SEC22A: variants seen among roughly 807,000 people sequenced by gnomAD.
SEC22A encodes the protein vesicle-trafficking protein SEC22a.
In SEC22A, 22 loss-of-function variants were observed where a neutral mutation model predicts 35.3. That is an observed-to-expected ratio of 0.62 (90% CI 0.45 to 0.89). SEC22A has a LOEUF of 0.89. SEC22A is among the 40% of genes least tolerant of loss of function. The probability of loss-of-function intolerance (pLI) is 0.00; values close to 1 mark genes in which losing one functional copy is unlikely to be tolerated. For synonymous variants in SEC22A, 119 were observed against 129.5 expected (o/e 0.92, Z 0.55); for missense variants, 354 against 362.5 (o/e 0.98, Z 0.19).
At chr3:123,233,884 A>T (rs1576493051) in intron 4 of SEC22A, among the ~76,000 whole-genome samples, 1 of 152,242 alleles carries the variant, frequency 6.6e-6, no homozygotes, top group Non-Finnish European at 1.5e-5. Context: ...ATAAAAAGGC[A>T]TGTAGATTGC....
chr3:123,227,047 A>G (rs1264472001), intron 4 of SEC22A, among the ~76,000 whole-genome samples: 5 of 152,360 alleles, frequency 3.3e-5, no homozygotes, highest in Middle Eastern at 3.4e-3. Context: ...CGGAAGGTGT[A>G]AATACTTTAG....
At position 123,225,232 on chromosome 3, in the gene SEC22A, G is replaced by A. The variant is rs755180781; in HGVS notation, c.476G>A (p.Gly159Glu). The A allele has an allele frequency of 1.2e-6, 2 of 1,613,634 alleles. No homozygotes were observed. Among genetic ancestry groups the A allele is most frequent in the Admixed American group, 1.7e-5 (1 of 60,006 alleles). ...PPYQISMCEL[G>E]SANGVTSAFS... ...TATCAAATTTCCATGTGCGAACTGG[G>A]GTCAGCCAATGGAGTCACATCAGCA... Residue 159 changes from glycine (G) to glutamate (E), a missense_variant, in exon 4 of 7, where the codon GGG becomes GAG. Gly to Glu is a moderately conservative substitution (Grantham distance 98). Coordinates refer to ENST00000492595, the MANE Select transcript of SEC22A (RefSeq NM_012430.5).
At chr3:123,208,691 G>C (rs1277592366) in intron 1 of SEC22A, 1 of 154,886 alleles carries the variant, frequency 6.5e-6, no homozygotes, top group East Asian at 1.9e-4. Context: ...CTGCACTCCA[G>C]CCTGGGTGAC....
At chr3:123,234,938 G>T (rs965909366) in intron 4 of SEC22A, among the ~76,000 whole-genome samples, 1 of 151,916 alleles carries the variant, frequency 6.6e-6, no homozygotes, top group East Asian at 1.9e-4. Context: ...TGGGAGGACG[G>T]CTTGAGCCTA....
intron 4 of SEC22A, among the ~76,000 whole-genome samples, chr3:123,242,027 A>AT (rs954212245): frequency 6.0e-5 from 9 of 150,870 alleles, no homozygotes; most frequent in Non-Finnish European, 1.0e-4. Flanking sequence ...TTAAGGTCAG[A>AT]TTTTTTTTGG....
chr3:123,268,374 C>CA (rs904703858), intron 6 of SEC22A, among the ~76,000 whole-genome samples: 11 of 152,034 alleles, frequency 7.2e-5, no homozygotes, highest in Admixed American at 1.3e-4. Context: ...ATATATGAAG[C>CA]AAAAAAGAAA....
At chr3:123,252,508 GAATTATAA>G in intron 5 of SEC22A, among the ~76,000 whole-genome samples, 1 of 152,202 alleles carries the variant, frequency 6.6e-6, no homozygotes, top group Non-Finnish European at 1.5e-5. Context: ...ACTTATTTGG[GAATTATAA>G]TTTTAGATCT....
At chr3:123,214,829 G>C (rs907587396) in intron 2 of SEC22A, among the ~76,000 whole-genome samples, 1 of 152,130 alleles carries the variant, frequency 6.6e-6, no homozygotes, top group African/African-American at 2.4e-5. Context: ...GTGAATTTTA[G>C]TGCAAGAAGT....
chr3:123,231,974 C>T (rs1182069202), intron 4 of SEC22A, among the ~76,000 whole-genome samples: 1 of 152,166 alleles, frequency 6.6e-6, no homozygotes, highest in Non-Finnish European at 1.5e-5. Flanking sequence ...CACGGTGGCT[C>T]ATGCCTGCAA....
chr3:123,272,734 C>G lies in SEC22A; in HGVS notation c.*1012C>G, dbSNP rs940059747. The G allele has an allele frequency of 1.3e-5, 2 of 153,750 alleles. No individual in the cohort carries two copies. Among genetic ancestry groups the G allele is most frequent in the African/African-American group, 4.8e-5 (2 of 41,444 alleles). 9.5% of individuals were successfully genotyped at this position (153,750 alleles called of 1,614,324 possible). A position where few individuals can be genotyped will look rare whatever the true frequency, so the allele number is the denominator to read the frequency against. On this transcript the variant is annotated 3_prime_UTR_variant, in exon 7 of 7. Coordinates refer to ENST00000492595, the MANE Select transcript of SEC22A (RefSeq NM_012430.5). ...GGAATAGTCAGAGGATAAAAGGAAA[C>G]TGTAAAGGGAATGACATTCTCACTG...
chr3:123,230,285 G>T (rs1408223155), intron 4 of SEC22A, among the ~76,000 whole-genome samples: 1 of 152,178 alleles, frequency 6.6e-6, no homozygotes, highest in Non-Finnish European at 1.5e-5. Flanking sequence ...AAAAGGACAT[G>T]GGTGGTATTA....
intron 5 of SEC22A, among the ~76,000 whole-genome samples, chr3:123,255,074 G>C (rs566947744): frequency 1.5e-3 from 231 of 152,220 alleles, no homozygotes; most frequent in Non-Finnish European, 2.0e-3. Flanking sequence ...AAACTCTTTA[G>C]AGTCTTATCT....
chr3:123,239,783 GTT>G (rs1937493329), intron 4 of SEC22A, among the ~76,000 whole-genome samples: 1 of 152,084 alleles, frequency 6.6e-6, no homozygotes, highest in Admixed American at 6.6e-5. Context: ...TAGGTTGCCT[GTT>G]CACTCTGATG....
chr3:123,254,218 CGCTGTG>C, intron 5 of SEC22A, among the ~76,000 whole-genome samples: 1 of 151,906 alleles, frequency 6.6e-6, no homozygotes, highest in African/African-American at 2.4e-5. Context: ...GACAGGGTCT[CGCTGTG>C]TTGGCCAGGT....
intron 5 of SEC22A, among the ~76,000 whole-genome samples, chr3:123,253,705 T>C (rs1937652422): frequency 7.7e-6 from 1 of 129,338 alleles, no homozygotes; most frequent in South Asian, 2.4e-4. Context: ...AGAGCAAGAC[T>C]CCATCTCAAA....
In SEC22A at chr3:123,254,433, C is replaced by T. The variant is rs192957256; in HGVS notation, c.658-5091C>T. 2.6e-3 allele frequency among the ~76,000 whole-genome samples: 394 copies of T among 152,190 alleles called. 1 individual carries two copies. The highest frequency in any genetic ancestry group is 3.7e-3 in the Non-Finnish European group (252 of 67,998). ...ATTCATAAAAATGTGTATTGGAACT[C>T]CTTACCTCTGCCCTCTTCTTCCTCT... On this transcript the variant is annotated intron_variant, in intron 5 of 6. Transcript: ENST00000492595.
intron 4 of SEC22A, among the ~76,000 whole-genome samples, chr3:123,237,813 G>A (rs1937447323): frequency 3.3e-5 from 5 of 152,016 alleles, no homozygotes; most frequent in Admixed American, 3.3e-4. Flanking sequence ...ATCACCAAAC[G>A]TTAGACACTT....
At chr3:123,259,814 GTATGTCATCTGCCTA>G (rs1937836815) in intron 6 of SEC22A, among the ~76,000 whole-genome samples, 1 of 152,118 alleles carries the variant, frequency 6.6e-6, no homozygotes, top group Non-Finnish European at 1.5e-5. Context: ...TTCAGTGGTG[GTATGTCATCTGCCTA>G]TGGTAGTAAA....
intron 1 of SEC22A, among the ~76,000 whole-genome samples, chr3:123,203,781 C>CT (rs1202079240): frequency 6.6e-6 from 1 of 152,152 alleles, no homozygotes; most frequent in African/African-American, 2.4e-5. Context: ...CCTTAGTTTC[C>CT]TCATCTGTAA....
Sources: allele counts gnomAD v4.1 joint callset (sites outside exome capture counted in the v4.1 genomes callset), GRCh38; gene constraint gnomAD v4.1.1; transcripts MANE v1.5; gene names NCBI Gene and HGNC (gene_info 2026-07-23, HGNC 2026-07-21).